The following ADAMTSL1 variants were observed in gnomAD, a reference collection of about 807,000 sequenced individuals.
ADAMTSL1 encodes the protein ADAMTS like 1.
ADAMTSL1 carries 126 observed loss-of-function variants against 201.8 expected under a neutral mutation model. The observed-to-expected ratio is 0.62, with a 90% CI of 0.54 to 0.72. ADAMTSL1 has a LOEUF of 0.72. Among genes scored for constraint, ADAMTSL1 ranks in the 30% least tolerant of loss-of-function variants. The probability of loss-of-function intolerance (pLI) is 0.00; values close to 1 mark genes in which losing one functional copy is unlikely to be tolerated. For synonymous variants in ADAMTSL1, 1,121 were observed against 903.4 expected (o/e 1.24, Z -4.32); for missense variants, 2,679 against 2,277.8 (o/e 1.18, Z -3.59).
At chr9:18,190,748 C>G (rs1409660541) in intron 2 of ADAMTSL1, among the ~76,000 whole-genome samples, 2 of 152,154 alleles carry the variant, frequency 1.3e-5, no homozygotes, top group Non-Finnish European at 2.9e-5. Flanking sequence ...TTGCTCCCGT[C>G]CATTTGATAA....
intron 2 of ADAMTSL1, among the ~76,000 whole-genome samples, chr9:18,357,755 A>G (rs1360168046): frequency 6.6e-6 from 1 of 152,146 alleles, no homozygotes; most frequent in Non-Finnish European, 1.5e-5. Context: ...TTGTTTTTCC[A>G]TAACCTAGAA....
chr9:18,246,911 T>A (rs1200126751), intron 2 of ADAMTSL1, among the ~76,000 whole-genome samples: 1 of 152,170 alleles, frequency 6.6e-6, no homozygotes, highest in African/African-American at 2.4e-5. Context: ...GACTGATAAA[T>A]GCAAGACAAT....
intron 1 of ADAMTSL1, among the ~76,000 whole-genome samples, chr9:18,039,983 A>C (rs1219469986): frequency 6.6e-6 from 1 of 152,176 alleles, no homozygotes; most frequent in Admixed American, 6.6e-5. Flanking sequence ...CATATATGCA[A>C]AGGATAGAAT....
At chr9:18,200,042 C>A (rs2132269696) in intron 2 of ADAMTSL1, among the ~76,000 whole-genome samples, 1 of 152,056 alleles carries the variant, frequency 6.6e-6, no homozygotes, top group South Asian at 2.1e-4. Context: ...TAAACTTCCC[C>A]AAAGGCATTA....
At chr9:18,237,114 G>A (rs1436365437) in intron 2 of ADAMTSL1, among the ~76,000 whole-genome samples, 3 of 152,166 alleles carry the variant, frequency 2.0e-5, no homozygotes, top group Admixed American at 1.3e-4. Flanking sequence ...CATCACTAAT[G>A]TACTTCTTTA....
chr9:18,593,924 A>G (rs1243760589), intron 4 of ADAMTSL1, among the ~76,000 whole-genome samples: 2 of 152,030 alleles, frequency 1.3e-5, no homozygotes, highest in African/African-American at 4.8e-5. Context: ...TATTAGATCC[A>G]TTTTGTCTTT....
chr9:18,742,892 C>T (rs983007517), intron 15 of ADAMTSL1, among the ~76,000 whole-genome samples: 4 of 152,062 alleles, frequency 2.6e-5, no homozygotes, highest in South Asian at 2.1e-4. Context: ...ATTCATGATG[C>T]GAGTAATTTC....
intron 2 of ADAMTSL1, among the ~76,000 whole-genome samples, chr9:18,324,144 G>C (rs577961332): frequency 8.7e-4 from 133 of 152,274 alleles, no homozygotes; most frequent in African/African-American, 3.1e-3. Flanking sequence ...AAGCAGAATT[G>C]AGACCAGAAA....
chr9:18,325,064 G>A (rs1252935578), intron 2 of ADAMTSL1, among the ~76,000 whole-genome samples: 2 of 152,110 alleles, frequency 1.3e-5, no homozygotes, highest in East Asian at 3.9e-4. Flanking sequence ...TCAGTAGAAT[G>A]GATATAATTA....
intron 2 of ADAMTSL1, among the ~76,000 whole-genome samples, chr9:18,219,476 C>T (rs1370889431): frequency 6.6e-6 from 1 of 151,968 alleles, no homozygotes; most frequent in East Asian, 1.9e-4. Flanking sequence ...TCAAGCAATT[C>T]TCATGCCTTA....
chr9:18,545,632 G>A (rs576146450), intron 3 of ADAMTSL1, among the ~76,000 whole-genome samples: 16 of 152,226 alleles, frequency 1.1e-4, no homozygotes, highest in Non-Finnish European at 2.2e-4. Context: ...TCCTTTGAGC[G>A]TCTCTGCCTG....
At chr9:18,884,586 T>C (rs372947483) in intron 23 of ADAMTSL1, among the ~76,000 whole-genome samples, 35 of 152,204 alleles carry the variant, frequency 2.3e-4, no homozygotes, top group African/African-American at 8.2e-4. Context: ...AGTTAATTTT[T>C]ATATATAGTG....
At chr9:18,360,181 T>C (rs1836454893) in intron 2 of ADAMTSL1, among the ~76,000 whole-genome samples, 2 of 152,042 alleles carry the variant, frequency 1.3e-5, no homozygotes, top group Admixed American at 6.6e-5. Flanking sequence ...TGTCCTCTGA[T>C]CCCCAAGCAG....
intron 5 of ADAMTSL1, among the ~76,000 whole-genome samples, chr9:18,630,048 T>G (rs1274047748): frequency 6.6e-6 from 1 of 152,138 alleles, no homozygotes; most frequent in African/African-American, 2.4e-5. Context: ...CATTACAAAT[T>G]TTACTTTCTT....
At chr9:18,396,924 C>T (rs572988617) in intron 2 of ADAMTSL1, among the ~76,000 whole-genome samples, 5 of 152,196 alleles carry the variant, frequency 3.3e-5, no homozygotes, top group Admixed American at 1.3e-4. Context: ...AATAGGGGTC[C>T]TAAGAAATGT....
At chr9:17,928,146 C>T (rs1051983920) in intron 1 of ADAMTSL1, among the ~76,000 whole-genome samples, 3 of 151,962 alleles carry the variant, frequency 2.0e-5, no homozygotes, top group African/African-American at 7.3e-5. Flanking sequence ...AGGGATACGC[C>T]AACCAGGCCC....
chr9:18,145,301 G>T (rs953316372), intron 1 of ADAMTSL1, among the ~76,000 whole-genome samples: 1 of 152,112 alleles, frequency 6.6e-6, no homozygotes, highest in Admixed American at 6.6e-5. Context: ...TTTGTTTTCG[G>T]TTCTTTGAGG....
intron 2 of ADAMTSL1, chr9:18,360,581 C>G (rs1315313269): frequency 3.3e-5 from 5 of 151,958 alleles, no homozygotes; most frequent in Non-Finnish European, 7.4e-5. Flanking sequence ...TTTTATTTCC[C>G]CAGTGACTGA....
At chr9:18,252,734 A>G (rs977163740) in intron 2 of ADAMTSL1, among the ~76,000 whole-genome samples, 1 of 152,182 alleles carries the variant, frequency 6.6e-6, no homozygotes, top group Non-Finnish European at 1.5e-5. Flanking sequence ...AAACTTCAAG[A>G]GTAAAATTAT....
Sources: gnomAD v4.1 joint callset for allele counts (sites outside exome capture counted in the v4.1 genomes callset) on GRCh38, gnomAD v4.1.1 for gene constraint, MANE v1.5 for transcripts, NCBI Gene and HGNC (gene_info 2026-07-23, HGNC 2026-07-21) for gene names.